WIZ: variants seen among roughly 807,000 people sequenced by gnomAD.
WIZ encodes the protein protein Wiz.
A neutral mutation model predicts 140.2 loss-of-function variants in WIZ; 25 were observed. The ratio of observed to expected loss-of-function variants is 0.18; its 90% CI spans 0.13 to 0.25. The LOEUF (loss-of-function observed/expected upper bound fraction) is 0.25, where lower values mean the gene tolerates loss of function less well. WIZ is among the 10% of genes least tolerant of loss of function. WIZ has a pLI of 1.00. For missense variants in WIZ, 2,231 were observed against 2,632.6 expected (o/e 0.85, Z 3.34); for synonymous variants, 1,125 against 1,154.3 (o/e 0.97, Z 0.51).
chr19:15,424,485 GA>G lies in WIZ; in HGVS notation c.5315-108del. The G allele has an allele frequency of 3.9e-6, 6 of 1,529,310 alleles. No individual in the cohort carries two copies. Among genetic ancestry groups the G allele is most frequent in the Non-Finnish European group, 5.3e-6 (6 of 1,132,934 alleles). 94.7% of individuals were successfully genotyped at this position (1,529,310 alleles called of 1,614,324 possible). On this transcript the variant is annotated intron_variant, in intron 11 of 12. Coordinates refer to ENST00000673675, the MANE Select transcript of WIZ (RefSeq NM_001371589.1). This position sits in a 1 kb window ranked among gnomAD's most constrained non-coding sequence, Gnocchi z 9.7. ...TGCTACCTGGATGGGTGGGATGGGG[GA>G]TGGATGGGTGAATGGGTAAGCAACT...
chr19:15,434,731 G>A (rs1012803405), intron 5 of WIZ, among the ~76,000 whole-genome samples: 7 of 152,200 alleles, frequency 4.6e-5, no homozygotes, highest in Non-Finnish European at 5.9e-5. Context: ...GTAAAGGCTC[G>A]TGCAAAGCCA....
chr19:15,429,445 G>A, intron 7 of WIZ, 141 bp downstream of exon 7: 2 of 963,154 alleles, frequency 2.1e-6, no homozygotes, highest in Non-Finnish European at 2.7e-6. Context: ...CAATACTCTG[G>A]CCTGGCTGGC....
chr19:15,426,806 G>A (rs1968851729), intron 9 of WIZ, among the ~76,000 whole-genome samples, 176 bp downstream of exon 9: 1 of 152,232 alleles, frequency 6.6e-6, no homozygotes, highest in Non-Finnish European at 1.5e-5. Context: ...GGACAATTGA[G>A]CAGCAGCTCA....
rs1404126208 is a variant in WIZ, at chr19:15,428,848, AC to A, written c.3416-341del. Among the ~76,000 whole-genome samples the A allele has an allele frequency of 6.6e-6, 1 of 152,116 alleles. No individual in the cohort carries two copies. The highest frequency in any genetic ancestry group is 1.5e-5 in the Non-Finnish European group (1 of 68,012). On this transcript the variant is annotated intron_variant, in intron 7 of 12. Transcript: ENST00000673675. This position sits in a 1 kb window ranked among gnomAD's most constrained non-coding sequence, Gnocchi z 6.4. ...GCTGGGCTCACGCAGCCAAGGGCACACCTGCTCAAGGCCCTGCCCCTGGAAG... is the reference window on the plus strand; with the variant it reads ...GCTGGGCTCACGCAGCCAAGGGCACACTGCTCAAGGCCCTGCCCCTGGAAG...
intron 2 of WIZ, among the ~76,000 whole-genome samples, chr19:15,447,070 T>C (rs1969944954): frequency 6.6e-6 from 1 of 152,192 alleles, no homozygotes; most frequent in African/African-American, 2.4e-5. Context: ...CACGGGATAA[T>C]AATAATGAAG....
chr19:15,437,560 G>A (rs993609537), intron 4 of WIZ, among the ~76,000 whole-genome samples: 4 of 152,244 alleles, frequency 2.6e-5, no homozygotes, highest in African/African-American at 9.6e-5. Context: ...GGAGGCTAAG[G>A]TGGGAGGATT....
At chr19:15,437,209 C>T (rs1438508277) in intron 4 of WIZ, 80 bp from the exon 5 acceptor site, 2 of 1,332,600 alleles carry the variant, frequency 1.5e-6, no homozygotes, top group South Asian at 1.5e-5. Flanking sequence ...TTCAGGGCTT[C>T]ACCCTGGACT....
At position 15,429,753 on chromosome 19, in the gene WIZ, C is replaced by T. The variant is rs772613788; in HGVS notation, c.3248G>A (p.Gly1083Asp). The change falls in exon 7 of 13, where the codon GGC becomes GAC. Residue 1083 changes from glycine to aspartate, a missense_variant. Around this residue, in one of 15 missense-constraint regions of WIZ, gnomAD observed 163 missense variants for 166.8 expected, o/e 0.98. Transcript: ENST00000673675. ...GAGGAGTGGAGAGCTGGGCGGGTGG[C>T]CCAGGCCCTTGGCCGAGAAGCCGGG... The part of the protein sequence containing the change: ...SPPGFSAKGL[G>D]HPPSSPLLKK... 81 of 1,498,414 alleles carry T rather than the reference C, an allele frequency of 5.4e-5. No individual in the cohort carries two copies. The Middle Eastern group carries it at 1.2e-3, about 22-fold the overall frequency. The allele number at this position is 1,498,414 out of a possible 1,614,324, so 92.8% of individuals were successfully genotyped here. A position where few individuals can be genotyped will look rare whatever the true frequency, so the allele number is the denominator to read the frequency against.
intron 5 of WIZ, chr19:15,433,369 C>T (rs1599684752): frequency 2.0e-6 from 2 of 985,294 alleles, no homozygotes; most frequent in East Asian, 2.3e-4. Context: ...CAACCTGGCA[C>T]CCGCCCCCTC....
rs531558362 is a variant in WIZ, at chr19:15,439,935, G to A, written c.1059C>T (p.Ala353=). 5 of 1,533,892 alleles carry A rather than the reference G, an allele frequency of 3.3e-6. No homozygotes were observed. Among genetic ancestry groups the A allele is most frequent in the African/African-American group, 1.4e-5 (1 of 73,096 alleles). ...QEPPADLAPL[A]CGECGWAFAD... ...CAAAGGCCCAGCCACACTCCCCGCAGGCCAGCGGGGCCAGGTCCGCAGGGG... is the reference window on the plus strand; with the variant it reads ...CAAAGGCCCAGCCACACTCCCCGCAAGCCAGCGGGGCCAGGTCCGCAGGGG... Residue 353 remains alanine (A), a synonymous_variant, in exon 4 of 13, where the codon GCC becomes GCT. Coordinates refer to ENST00000673675, the MANE Select transcript of WIZ (RefSeq NM_001371589.1). The surrounding 1 kb of genome is among the most constrained non-coding windows in gnomAD (Gnocchi z 7.0).
chr19:15,442,638 C>G lies in WIZ; in HGVS notation c.278+38G>C, dbSNP rs1159840231. 8.1e-7 allele frequency: 1 copy of G among 1,227,628 alleles called. No individual in the cohort carries two copies. Among genetic ancestry groups the G allele is most frequent in the African/African-American group, 1.6e-5 (1 of 64,314 alleles). 76.0% of individuals were successfully genotyped at this position (1,227,628 alleles called of 1,614,324 possible). On this transcript the variant is annotated intron_variant, in intron 3 of 12. Transcript: ENST00000673675. The surrounding 1 kb of genome is among the most constrained non-coding windows in gnomAD (Gnocchi z 5.5). ...GGCCTGGGCATGTCCTGCTTGCCCC[C>G]CTGCCCTCCCTGAGGTCAGGGCCAG...
Position 15,423,145 on chromosome 19 carries a change from G to A in WIZ, c.5601C>T (p.Ser1867=). The change falls in exon 13 of 13, where the codon TCC becomes TCT. Residue 1867 remains serine (S), a synonymous_variant. Coordinates refer to ENST00000673675, the MANE Select transcript of WIZ (RefSeq NM_001371589.1). ...LQRHILEMNF[S]KADPPPEESQ... is the part of the protein sequence containing the mutation. ...ACTCCTCAGGTGGGGGGTCCGCTTTGGAGAAGTTCATCTCCAGGATGTGCC... is the reference window on the plus strand; with the variant it reads ...ACTCCTCAGGTGGGGGGTCCGCTTTAGAGAAGTTCATCTCCAGGATGTGCC... 1 of 1,613,134 alleles carries A rather than the reference G, an allele frequency of 6.2e-7. No individual in the cohort carries two copies. Among genetic ancestry groups the A allele is most frequent in the South Asian group, 1.1e-5 (1 of 91,036 alleles).
chr19:15,440,001 C>T lies in WIZ; in HGVS notation c.993G>A (p.Leu331=), dbSNP rs747666342. Reference sequence around the variant, plus strand: ...CTCGGCGGTGCTGGCTCATGTGCTCCAGGAGGTGCTCCTTCTGCTTGAAGT... The same window carrying T: ...CTCGGCGGTGCTGGCTCATGTGCTCTAGGAGGTGCTCCTTCTGCTTGAAGT... ...SIYFKQKEHL[L]EHMSQHRRAP... The change falls in exon 4 of 13, where the codon CTG becomes CTA. Residue 331 remains leucine (L), a synonymous_variant. Transcript: ENST00000673675. The surrounding 1 kb of genome is among the most constrained non-coding windows in gnomAD (Gnocchi z 6.2). 2.6e-6 allele frequency: 4 copies of T among 1,535,752 alleles called. No individual in the cohort carries two copies. Among genetic ancestry groups the T allele is most frequent in the Admixed American group, 2.0e-5 (1 of 50,970 alleles).
intron 2 of WIZ, among the ~76,000 whole-genome samples, chr19:15,445,191 C>T (rs1308373701): frequency 6.6e-6 from 1 of 152,210 alleles, no homozygotes; most frequent in Non-Finnish European, 1.5e-5. Context: ...AGAGAGTTTG[C>T]AAATGCTGAT....
intron 2 of WIZ, among the ~76,000 whole-genome samples, chr19:15,447,697 G>A (rs912229380): frequency 2.6e-5 from 4 of 152,214 alleles, no homozygotes; most frequent in East Asian, 1.9e-4. Flanking sequence ...GTTTTGGCCC[G>A]TGGTTCAGGA....
In WIZ at chr19:15,448,183, C is replaced by T. The variant is rs775224685; in HGVS notation, c.125G>A (p.Gly42Asp). The T allele has an allele frequency of 1.4e-5, 23 of 1,612,726 alleles. No individual in the cohort carries two copies. Among genetic ancestry groups the T allele is most frequent in the African/African-American group, 9.4e-5 (7 of 74,864 alleles). The change falls in exon 2 of 13, where the codon GGC (glycine) becomes GAC (aspartate). Residue 42 changes from glycine to aspartate, a missense_variant. Coordinates refer to ENST00000673675, the MANE Select transcript of WIZ (RefSeq NM_001371589.1). ...GGAEAAEGEG[G>D]IFRSTRYLPV... ...CAGGTAACGGGTGGACCGGAAGATG[C>T]CACCTTCCCCCTCAGCAGCTTCGGC...
At chr19:15,446,044 C>T (rs534585764) in intron 2 of WIZ, among the ~76,000 whole-genome samples, 1 of 152,156 alleles carries the variant, frequency 6.6e-6, no homozygotes, top group Non-Finnish European at 1.5e-5. Flanking sequence ...CAAACCCAGG[C>T]ATTCTTCCAA....
chr19:15,423,748 A>G (rs1272677501), intron 12 of WIZ, among the ~76,000 whole-genome samples: 1 of 152,232 alleles, frequency 6.6e-6, no homozygotes, highest in Admixed American at 6.5e-5. Context: ...CTGCTCTTCA[A>G]TGTACTTGTG....
At chr19:15,429,342 C>T (rs1040259586) in intron 7 of WIZ, among the ~76,000 whole-genome samples, 6 of 152,222 alleles carry the variant, frequency 3.9e-5, no homozygotes, top group Non-Finnish European at 7.3e-5. Flanking sequence ...GGCTCATCAG[C>T]CGCAGTGAGG....
Sources: allele counts gnomAD v4.1 joint callset (sites outside exome capture counted in the v4.1 genomes callset), GRCh38; gene constraint gnomAD v4.1.1; regional missense constraint gnomAD v4.1.1; non-coding constraint Gnocchi (gnomAD v3.1); transcripts MANE v1.5; gene names NCBI Gene and HGNC (gene_info 2026-07-23, HGNC 2026-07-21).